Variants in PSD3 observed in about 807,000 individuals in gnomAD.
The protein encoded by PSD3 is pleckstrin and Sec7 domain containing 3.
A neutral mutation model predicts 105.5 loss-of-function variants in PSD3; 49 were observed. The observed-to-expected ratio is 0.46, with a 90% CI of 0.37 to 0.59. The LOEUF is 0.59. PSD3 is among the 20% of genes least tolerant of loss of function. PSD3 has a pLI of 0.00. For missense variants in PSD3, 1,561 were observed against 1,263.8 expected (o/e 1.24, Z -3.57); for synonymous variants, 557 against 457.8 (o/e 1.22, Z -2.77).
Position 18,801,856 on chromosome 8 carries a change from G to T in PSD3, c.1911-474C>A, listed in dbSNP as rs1211208815. 2.6e-5 allele frequency among the ~76,000 whole-genome samples: 4 copies of T among 152,108 alleles called. No individual in the cohort carries two copies. The East Asian group carries it at 7.8e-4, about 30-fold the overall frequency. On this transcript the variant is annotated intron_variant, in intron 6 of 15. Coordinates refer to ENST00000327040, the MANE Select transcript of PSD3 (RefSeq NM_015310.4). ...AGAAAAAAAAAATGTCCACTTAAAAGATGACAGGGTGATAACAGAGTGGTC... is the reference window on the plus strand; with the variant it reads ...AGAAAAAAAAAATGTCCACTTAAAATATGACAGGGTGATAACAGAGTGGTC...
At chr8:18,937,041 T>C (rs938877932) in intron 1 of PSD3, among the ~76,000 whole-genome samples, 10 of 152,176 alleles carry the variant, frequency 6.6e-5, no homozygotes, top group African/African-American at 1.9e-4. Flanking sequence ...TAAATTCCCT[T>C]ATTTGAAACA....
Position 18,804,524 on chromosome 8 carries a change from G to C in PSD3, c.1908C>G (p.Leu636=). ...DFTGMTLDQS[L]RYFFKAFSLV... is the part of the protein sequence containing the mutation. ...GCAGCAAGGAGGCTTAGTCATACCT[G>C]AGTGACTGATCCAGCGTCATTCCTG... The change falls in exon 6 of 16, where the codon CTC becomes CTG. Residue 636 remains leucine (L), a splice_region_variant and synonymous_variant. Coordinates refer to ENST00000327040, the MANE Select transcript of PSD3 (RefSeq NM_015310.4). 6.2e-7 allele frequency: 1 copy of C among 1,605,348 alleles called. No individual in the cohort carries two copies. Among genetic ancestry groups the C allele is most frequent in the Non-Finnish European group, 8.5e-7 (1 of 1,172,266 alleles).
chr8:18,680,296 G>A (rs554411588), intron 9 of PSD3, among the ~76,000 whole-genome samples: 25 of 152,172 alleles, frequency 1.6e-4, no homozygotes, highest in Non-Finnish European at 2.6e-4. Context: ...GAAACCCCAA[G>A]GGTACCCGAA....
chr8:18,855,334 T>A (rs1815920186), intron 4 of PSD3, among the ~76,000 whole-genome samples: 1 of 152,196 alleles, frequency 6.6e-6, no homozygotes, highest in South Asian at 2.1e-4. Context: ...GAGAAGTTCT[T>A]CCATGTGTTC....
intron 9 of PSD3, among the ~76,000 whole-genome samples, chr8:18,690,877 T>C (rs775671709): frequency 3.9e-5 from 6 of 152,296 alleles, no homozygotes; most frequent in African/African-American, 9.6e-5. Flanking sequence ...CCCATCTCAA[T>C]TGGACATAAA....
intron 4 of PSD3, chr8:18,865,291 T>G: frequency 1.9e-5 from 1 of 51,972 alleles, no homozygotes; most frequent in Non-Finnish European, 3.0e-5. Context: ...TATATATTTT[T>G]TTTTTTTTTT....
At chr8:18,818,627 C>A (rs1812422141) in intron 4 of PSD3, among the ~76,000 whole-genome samples, 1 of 151,940 alleles carries the variant, frequency 6.6e-6, no homozygotes, top group African/African-American at 2.4e-5. Context: ...TGCAAATAAA[C>A]TGAGAATTAA....
intron 9 of PSD3, among the ~76,000 whole-genome samples, chr8:18,687,744 T>C (rs1479262549): frequency 6.6e-6 from 1 of 152,118 alleles, no homozygotes; most frequent in Admixed American, 6.5e-5. Flanking sequence ...TCTCATGGAC[T>C]ATAAATGGAA....
intron 4 of PSD3, among the ~76,000 whole-genome samples, chr8:18,812,054 C>T (rs559403297): frequency 1.3e-5 from 2 of 152,190 alleles, no homozygotes; most frequent in South Asian, 4.1e-4. Flanking sequence ...ATATGACTTC[C>T]TAAATCTCGG....
chr8:18,802,424 T>C (rs1269044554), intron 6 of PSD3: 2 of 351,896 alleles, frequency 5.7e-6, no homozygotes, highest in South Asian at 4.4e-5. Context: ...GTAAAAAACA[T>C]ACCATGAGCC....
At position 18,624,862 on chromosome 8, in the gene PSD3, AT is replaced by A. The variant is rs894625965; in HGVS notation, c.2410+7750del. ...ACTTTTAGTGTAATTATACATATCA[AT>A]TTTTTTTTACTGTTTTTGTAAATAT... On this transcript the variant is annotated intron_variant, in intron 11 of 15. Transcript: ENST00000327040. Among the ~76,000 whole-genome samples, 465 of 150,938 alleles carry A rather than the reference AT, an allele frequency of 3.1e-3. 5 individuals carry two copies. The highest frequency in any genetic ancestry group is 9.3e-3 in the African/African-American group (381 of 41,118).
chr8:18,627,556 C>G, intron 11 of PSD3, among the ~76,000 whole-genome samples: 1 of 151,908 alleles, frequency 6.6e-6, no homozygotes, highest in East Asian at 1.9e-4. Flanking sequence ...TGGAAAGAGG[C>G]TGAAGAAGAA....
intron 4 of PSD3, among the ~76,000 whole-genome samples, chr8:18,811,084 G>A (rs896754768): frequency 9.2e-5 from 14 of 152,156 alleles, no homozygotes; most frequent in African/African-American, 2.9e-4. Context: ...TTATTCAGAA[G>A]AGCCATAGCA....
chr8:18,767,499 G>A (rs1807109300), intron 8 of PSD3, among the ~76,000 whole-genome samples: 1 of 152,210 alleles, frequency 6.6e-6, no homozygotes, highest in South Asian at 2.1e-4. Context: ...TGTAATCCCA[G>A]CACTTTCGGA....
chr8:19,050,951 G>A (rs1263166677), intron 1 of PSD3, among the ~76,000 whole-genome samples: 1 of 152,186 alleles, frequency 6.6e-6, no homozygotes, highest in African/African-American at 2.4e-5. Context: ...GGCAGAAACA[G>A]AGCCTCAGAA....
chr8:18,719,110 C>T (rs1223773911), intron 9 of PSD3, among the ~76,000 whole-genome samples: 1 of 152,146 alleles, frequency 6.6e-6, no homozygotes, highest in East Asian at 1.9e-4. Flanking sequence ...GTGGCTGTGA[C>T]TTCGGATAGT....
At chr8:18,871,449 G>A (rs1486766012) in intron 3 of PSD3, among the ~76,000 whole-genome samples, 177 bp downstream of exon 3, 1 of 152,168 alleles carries the variant, frequency 6.6e-6, no homozygotes, top group African/African-American at 2.4e-5. Flanking sequence ...TTTAATATCT[G>A]AGAAGCTTAG....
At chr8:18,987,621 C>T (rs899264436) in intron 1 of PSD3, among the ~76,000 whole-genome samples, 7 of 151,962 alleles carry the variant, frequency 4.6e-5, no homozygotes, top group Non-Finnish European at 1.0e-4. Flanking sequence ...AGTTCAAGAC[C>T]ACCCTGGGCA....
intron 1 of PSD3, among the ~76,000 whole-genome samples, chr8:19,063,751 C>T (rs1209204809): frequency 6.6e-6 from 1 of 152,130 alleles, no homozygotes; most frequent in Non-Finnish European, 1.5e-5. Flanking sequence ...GGTGCATAGT[C>T]AGAAAGGGAT....
Sources: allele counts gnomAD v4.1 joint callset (sites outside exome capture counted in the v4.1 genomes callset), GRCh38; gene constraint gnomAD v4.1.1; transcripts MANE v1.5; gene names NCBI Gene and HGNC (gene_info 2026-07-23, HGNC 2026-07-21).